The following KDM6A variants were observed in gnomAD, a reference collection of about 807,000 sequenced individuals.
The protein encoded by KDM6A is lysine demethylase 6A.
In KDM6A, 11 loss-of-function variants were observed where a neutral mutation model predicts 117.6. The observed-to-expected ratio is 0.09, with a 90% CI of 0.06 to 0.15. The LOEUF is 0.15. Ranked by LOEUF, KDM6A falls within the 10% of genes least tolerant of loss-of-function variation. The probability of loss-of-function intolerance (pLI) is 1.00; values close to 1 mark genes in which losing one functional copy is unlikely to be tolerated. For synonymous variants in KDM6A, 384 were observed against 396.1 expected, an observed-to-expected ratio of 0.97 and a Z score of 0.36; for missense variants, 799 against 1,077.3, an observed-to-expected ratio of 0.74 and a Z score of 3.62.
intron 17 of KDM6A, among the ~76,000 whole-genome samples, chrX:45,064,180 G>A (rs2044429049): frequency 8.9e-6 from 1 of 112,027 alleles, no homozygotes; most frequent in African/African-American, 3.2e-5. Flanking sequence ...TAGGTGTTAG[G>A]TATTTGCTTT....
chrX:44,879,911 ACCTGTAGTCCCAGCACTTTGGGAGGCT>A (rs1213584069), intron 2 of KDM6A, among the ~76,000 whole-genome samples: 120 of 111,682 alleles, frequency 1.1e-3, no homozygotes, highest in Non-Finnish European at 2.0e-3. Flanking sequence ...GGTGGCTCAC[ACCTGTAGTCCCAGCACTTTGGGAGGCT>A]GAGGTGGGCG....
intron 2 of KDM6A, among the ~76,000 whole-genome samples, chrX:44,957,532 A>C (rs2038409166): frequency 8.9e-6 from 1 of 112,300 alleles, no homozygotes; most frequent in African/African-American, 3.2e-5. Flanking sequence ...AAATAATAAC[A>C]GTGCAGCAGA....
At chrX:44,969,598 A>G (rs1402909202) in intron 3 of KDM6A, among the ~76,000 whole-genome samples, 1 of 108,215 alleles carries the variant, frequency 9.2e-6, no homozygotes, top group Non-Finnish European at 1.9e-5. Flanking sequence ...TTCTATTTTT[A>G]GTAGAGACAG....
intron 3 of KDM6A, among the ~76,000 whole-genome samples, chrX:44,962,760 A>G (rs754538556): frequency 6.2e-5 from 7 of 112,097 alleles, no homozygotes; most frequent in African/African-American, 2.3e-4. Context: ...AAAAATGTAC[A>G]TACTTTAGTT....
intron 3 of KDM6A, among the ~76,000 whole-genome samples, chrX:44,970,877 C>T (rs1027624808): frequency 9.0e-6 from 1 of 111,537 alleles, no homozygotes; most frequent in Non-Finnish European, 1.9e-5. Context: ...ATAGTTCCCT[C>T]GTGGTGGCAG....
chrX:44,879,984 CCA>C (rs1468761873), intron 2 of KDM6A, among the ~76,000 whole-genome samples: 1 of 109,568 alleles, frequency 9.1e-6, no homozygotes, highest in Non-Finnish European at 1.9e-5. Flanking sequence ...ACCAGCCTGA[CCA>C]ATATGGTGAA....
At chrX:45,079,540 TGTAC>T (rs1556342164) in intron 21 of KDM6A, among the ~76,000 whole-genome samples, 189 bp downstream of exon 21, 2 of 105,698 alleles carry the variant, frequency 1.9e-5, no homozygotes, top group Non-Finnish European at 1.9e-5. Context: ...TATGTATGTA[TGTAC>T]GTACGTATGT....
intron 7 of KDM6A, 83 bp from the exon 8 acceptor site, chrX:45,037,572 T>A: frequency 1.3e-6 from 1 of 744,862 alleles, no homozygotes; most frequent in Non-Finnish European, 2.1e-6. Context: ...TGATAATGTT[T>A]GATGCTTTGT....
intron 2 of KDM6A, among the ~76,000 whole-genome samples, chrX:44,941,544 G>A (rs187124015): frequency 0.11 from 11,404 of 102,837 alleles, 810 homozygotes; most frequent in African/African-American, 0.24. Flanking sequence ...GCAGTGGCAC[G>A]ATCTCGGCTC....
At chrX:45,020,873 C>A in intron 6 of KDM6A, 143 bp downstream of exon 6, 1 of 627,757 alleles carries the variant, frequency 1.6e-6, no homozygotes, top group Non-Finnish European at 2.5e-6. Context: ...GGTGACAGAA[C>A]TGTTTATCAA....
chrX:44,876,755 T>G (rs778111967), intron 2 of KDM6A, among the ~76,000 whole-genome samples: 2 of 109,864 alleles, frequency 1.8e-5, no homozygotes, highest in Non-Finnish European at 3.8e-5. Flanking sequence ...CTTTCAAGTT[T>G]TTAAAATTCA....
At chrX:44,923,538 CTTTTTTTTTTT>C (rs142581355) in intron 2 of KDM6A, among the ~76,000 whole-genome samples, 7 of 32,197 alleles carry the variant, frequency 2.2e-4, no homozygotes, top group Non-Finnish European at 3.7e-4. Context: ...ATCTTCTCTG[CTTTTTTTTTTT>C]TTTTTTTTTT....
chrX:45,031,084 C>G (rs886197134), intron 6 of KDM6A, among the ~76,000 whole-genome samples: 1 of 112,261 alleles, frequency 8.9e-6, no homozygotes, highest in Non-Finnish European at 1.9e-5. Flanking sequence ...ACCTGGCACA[C>G]CTTTCCTTTT....
At chrX:45,054,830 T>G (rs1348465049) in intron 10 of KDM6A, among the ~76,000 whole-genome samples, 1 of 111,903 alleles carries the variant, frequency 8.9e-6, no homozygotes, top group Non-Finnish European at 1.9e-5. Flanking sequence ...ATTAGATCAG[T>G]GGTCCTCAGG....
chrX:44,923,045 A>G (rs1404082037), intron 2 of KDM6A, among the ~76,000 whole-genome samples: 1 of 111,634 alleles, frequency 9.0e-6, no homozygotes, highest in East Asian at 2.8e-4. Context: ...TCCTGTATTC[A>G]TAAAGATGGC....
intron 2 of KDM6A, among the ~76,000 whole-genome samples, chrX:44,892,582 C>T (rs1442245243): frequency 9.0e-6 from 1 of 111,402 alleles, no homozygotes; most frequent in Admixed American, 9.5e-5. Flanking sequence ...GTCCCAGCTA[C>T]TCAGGAGGCT....
At chrX:44,977,379 C>T (rs756939426) in intron 4 of KDM6A, among the ~76,000 whole-genome samples, 5 of 110,758 alleles carry the variant, frequency 4.5e-5, no homozygotes, top group African/African-American at 1.3e-4. Context: ...CTCAGCCTCT[C>T]GAGGAGCTGG....
intron 3 of KDM6A, among the ~76,000 whole-genome samples, chrX:44,974,366 G>A (rs908290068): frequency 1.8e-5 from 2 of 111,249 alleles, no homozygotes; most frequent in African/African-American, 6.5e-5. Context: ...TTTTCATCTA[G>A]TAGTCTTATG....
At chrX:45,081,002 G>A (rs2148132322) in intron 21 of KDM6A, among the ~76,000 whole-genome samples, 1 of 111,936 alleles carries the variant, frequency 8.9e-6, no homozygotes, top group African/African-American at 3.2e-5. Context: ...GCATGATCTC[G>A]GCTCACTGCA....
Sources: gnomAD v4.1 joint callset for allele counts (sites outside exome capture counted in the v4.1 genomes callset) on GRCh38, gnomAD v4.1.1 for gene constraint, MANE v1.5 for transcripts, NCBI Gene and HGNC (gene_info 2026-07-23, HGNC 2026-07-21) for gene names.